Variants in NPAS2 observed in about 807,000 individuals in gnomAD.
The protein encoded by NPAS2 is neuronal PAS domain-containing protein 2.
NPAS2 carries 23 observed loss-of-function variants against 107.5 expected under a neutral mutation model. The ratio of observed to expected loss-of-function variants is 0.21; its 90% CI spans 0.15 to 0.30. The LOEUF (loss-of-function observed/expected upper bound fraction) is 0.30. Among genes scored for constraint, NPAS2 ranks in the 10% least tolerant of loss-of-function variants. The pLI is 1.00. For synonymous variants in NPAS2, 403 were observed against 417.5 expected, an observed-to-expected ratio of 0.97 and a Z score of 0.42; for missense variants, 756 against 1,043.3, an observed-to-expected ratio of 0.72 and a Z score of 3.79.
At chr2:100,904,424 C>T (rs1272852544) in intron 1 of NPAS2, among the ~76,000 whole-genome samples, 1 of 152,232 alleles carries the variant, frequency 6.6e-6, no homozygotes, top group Non-Finnish European at 1.5e-5. Context: ...CTCTCCTTGT[C>T]TCATGAGTGT....
chr2:100,925,048 T>C (rs1683472675), intron 2 of NPAS2, 98 bp from the exon 3 acceptor site: 2 of 1,259,424 alleles, frequency 1.6e-6, no homozygotes, highest in Non-Finnish European at 2.2e-6. Context: ...AGATAGATGA[T>C]CACAATAGAA....
rs548212948 is a variant in NPAS2, at chr2:100,934,412, C to T, written c.273+1411C>T. 4.6e-5 allele frequency among the ~76,000 whole-genome samples: 7 copies of T among 151,546 alleles called. No homozygotes were observed. In the South Asian group the frequency reaches 6.3e-4, roughly 14 times the overall value. The stretch of plus-strand genomic sequence containing the variant: ...ATGAATAAATTTCGGGGCTAGAAGA[C>T]GGGACTGAGATTCAGGAGACTGGAA... On this transcript the variant is annotated intron_variant, in intron 4 of 20. Transcript: ENST00000335681.
chr2:100,973,615 G>A (rs1676749808), intron 12 of NPAS2, among the ~76,000 whole-genome samples: 1 of 152,126 alleles, frequency 6.6e-6, no homozygotes, highest in African/African-American at 2.4e-5. Context: ...TACTGTAGGT[G>A]TACAATATCC....
intron 1 of NPAS2, among the ~76,000 whole-genome samples, chr2:100,872,394 AG>A (rs1435698794): frequency 6.6e-6 from 1 of 152,328 alleles, no homozygotes; most frequent in African/African-American, 2.4e-5. Flanking sequence ...CCTGCAACCT[AG>A]GAAGCCGTCA....
rs1679416744 is a variant in NPAS2, at chr2:100,869,125, A to AG, written c.-22-35605dup. ...TGTATTTTTTTTTTTTTGCAGAGAC[A>AG]GGGTTTCACCCTGTTGGCCAGGCTG... is the stretch of plus-strand genomic sequence containing the variant. On this transcript the variant is annotated intron_variant, in intron 1 of 20. Coordinates refer to ENST00000335681, the MANE Select transcript of NPAS2 (RefSeq NM_002518.4). 2.7e-5 allele frequency among the ~76,000 whole-genome samples: 4 copies of AG among 150,718 alleles called. No individual in the cohort carries two copies. In the South Asian group the frequency reaches 6.3e-4, roughly 24 times the overall value.
chr2:100,874,590 A>C (rs1679836377), intron 1 of NPAS2, among the ~76,000 whole-genome samples: 1 of 151,876 alleles, frequency 6.6e-6, no homozygotes, highest in African/African-American at 2.4e-5. Context: ...AAAAATACAA[A>C]AATTAGCCAG....
intron 1 of NPAS2, among the ~76,000 whole-genome samples, chr2:100,856,478 A>T (rs974780864): frequency 6.6e-6 from 1 of 152,214 alleles, no homozygotes; most frequent in Non-Finnish European, 1.5e-5. Context: ...AAGCATTTAA[A>T]TGTTCATTTA....
At chr2:100,832,196 A>G (rs1042793635) in intron 1 of NPAS2, among the ~76,000 whole-genome samples, 1 of 152,188 alleles carries the variant, frequency 6.6e-6, no homozygotes, top group Admixed American at 6.5e-5. Flanking sequence ...AGAATGAGAG[A>G]AGAACTGTGC....
chr2:100,845,661 T>G (rs1287953125), intron 1 of NPAS2, among the ~76,000 whole-genome samples: 3 of 152,160 alleles, frequency 2.0e-5, no homozygotes, highest in Non-Finnish European at 4.4e-5. Flanking sequence ...GACAGTGCAG[T>G]GTCTTTGTGC....
At chr2:100,869,526 C>T (rs1445369858) in intron 1 of NPAS2, among the ~76,000 whole-genome samples, 1 of 152,208 alleles carries the variant, frequency 6.6e-6, no homozygotes, top group Admixed American at 6.5e-5. Flanking sequence ...TCAAACCACG[C>T]AGTGGGAATT....
intron 4 of NPAS2, among the ~76,000 whole-genome samples, chr2:100,935,349 C>T (rs373612091): frequency 6.6e-6 from 1 of 152,282 alleles, no homozygotes; most frequent in South Asian, 2.1e-4. Flanking sequence ...GTTTCGTTTC[C>T]CTCTAATGTG....
intron 1 of NPAS2, among the ~76,000 whole-genome samples, chr2:100,883,710 A>G (rs563893006): frequency 6.6e-6 from 1 of 152,226 alleles, no homozygotes; most frequent in East Asian, 1.9e-4. Context: ...TACATGAGCT[A>G]AACAGCCATC....
chr2:100,990,888 C>T lies in NPAS2; in HGVS notation c.2111+16C>T, dbSNP rs370278058. ...GGCAAGTCAAGTACGTGGACCCTGGCGGGAGGCAGGAGGCAAGCGCTGGTG... is the reference window on the plus strand; with the variant it reads ...GGCAAGTCAAGTACGTGGACCCTGGTGGGAGGCAGGAGGCAAGCGCTGGTG... On this transcript the variant is annotated intron_variant, in intron 19 of 20. Coordinates refer to ENST00000335681, the MANE Select transcript of NPAS2 (RefSeq NM_002518.4). 29 of 1,610,268 alleles carry T rather than the reference C, an allele frequency of 1.8e-5. No individual in the cohort carries two copies. In the Middle Eastern group the frequency reaches 4.9e-4, roughly 27 times the overall value.
intron 5 of NPAS2, among the ~76,000 whole-genome samples, chr2:100,945,467 C>T (rs1479425336): frequency 1.3e-5 from 2 of 152,234 alleles, no homozygotes; most frequent in African/African-American, 4.8e-5. Flanking sequence ...TGGCCATTGC[C>T]AGCCTGACTT....
At chr2:100,853,989 A>C (rs1274511798) in intron 1 of NPAS2, among the ~76,000 whole-genome samples, 8 of 151,402 alleles carry the variant, frequency 5.3e-5, no homozygotes, top group Non-Finnish European at 8.9e-5. Flanking sequence ...AAAAAAAAAA[A>C]AACACAAAAA....
chr2:100,882,796 C>G (rs1680455164), intron 1 of NPAS2, among the ~76,000 whole-genome samples: 1 of 152,188 alleles, frequency 6.6e-6, no homozygotes, highest in African/African-American at 2.4e-5. Context: ...CTGTCTCTCT[C>G]TCACACGCAC....
At chr2:100,878,222 G>C (rs1680109344) in intron 1 of NPAS2, 2 of 985,412 alleles carry the variant, frequency 2.0e-6, no homozygotes, top group Non-Finnish European at 2.4e-6. Flanking sequence ...GCTAGGGAAA[G>C]CTGGGCAGAA....
intron 1 of NPAS2, among the ~76,000 whole-genome samples, chr2:100,897,397 A>T (rs1681479082): frequency 6.6e-6 from 1 of 152,144 alleles, no homozygotes; most frequent in East Asian, 1.9e-4. Flanking sequence ...TTTAAGTTTC[A>T]CCGCTGTCCT....
intron 1 of NPAS2, among the ~76,000 whole-genome samples, chr2:100,837,389 A>G (rs1179873439): frequency 1.3e-5 from 2 of 152,050 alleles, no homozygotes; most frequent in Non-Finnish European, 2.9e-5. Flanking sequence ...GCTCACTGCA[A>G]CCTCTGCCTT....
Sources: gnomAD v4.1 joint callset for allele counts (sites outside exome capture counted in the v4.1 genomes callset) on GRCh38, gnomAD v4.1.1 for gene constraint, MANE v1.5 for transcripts, NCBI Gene and HGNC (gene_info 2026-07-23, HGNC 2026-07-21) for gene names.